Variants in PARD3B observed in about 807,000 individuals in gnomAD.
PARD3B encodes the protein par-3 family cell polarity regulator beta, also known as partitioning defective 3 homolog B.
A neutral mutation model predicts 130.2 loss-of-function variants in PARD3B; 103 were observed. The observed-to-expected ratio is 0.79, with a 90% CI of 0.67 to 0.93. PARD3B has a LOEUF of 0.93. PARD3B is among the 40% of genes least tolerant of loss of function. The pLI, the probability that PARD3B is intolerant of heterozygous loss-of-function variation, is 0.00. For synonymous variants in PARD3B, 583 were observed against 553.2 expected (o/e 1.05, Z -0.76); for missense variants, 1,609 against 1,499.2 (o/e 1.07, Z -1.21).
intron 22 of PARD3B, among the ~76,000 whole-genome samples, chr2:205,601,294 A>C (rs906766718): frequency 6.6e-6 from 1 of 152,110 alleles, no homozygotes; most frequent in Non-Finnish European, 1.5e-5. Context: ...TGACCACATA[A>C]ATGTCTTGTT....
chr2:205,104,588 C>A, intron 5 of PARD3B, 74 bp downstream of exon 5: 1 of 1,055,472 alleles, frequency 9.5e-7, no homozygotes, highest in South Asian at 1.4e-5. Flanking sequence ...TATAATTGTT[C>A]TTACTTTACA....
chr2:204,733,438 T>G (rs1193246198), intron 2 of PARD3B, among the ~76,000 whole-genome samples: 3 of 151,300 alleles, frequency 2.0e-5, no homozygotes, highest in African/African-American at 7.3e-5. Context: ...TTCAAATTGT[T>G]TATATATAAA....
intron 2 of PARD3B, among the ~76,000 whole-genome samples, chr2:204,942,243 T>C (rs1688961627): frequency 6.6e-6 from 1 of 152,208 alleles, no homozygotes; most frequent in Non-Finnish European, 1.5e-5. Flanking sequence ...TAAAACTGAC[T>C]AGCTCTGGAA....
chr2:204,957,013 G>A (rs1398136229), intron 2 of PARD3B, among the ~76,000 whole-genome samples: 1 of 152,086 alleles, frequency 6.6e-6, no homozygotes, highest in Non-Finnish European at 1.5e-5. Context: ...CAGAGACAAG[G>A]GCTCCTCAGG....
At chr2:204,748,314 A>G (rs956386680) in intron 2 of PARD3B, among the ~76,000 whole-genome samples, 2 of 152,094 alleles carry the variant, frequency 1.3e-5, no homozygotes, top group African/African-American at 4.8e-5. Flanking sequence ...TTTGGAATCA[A>G]TTACTGTAAT....
At chr2:205,133,820 A>G (rs141406753) in intron 10 of PARD3B, among the ~76,000 whole-genome samples, 1 of 152,134 alleles carries the variant, frequency 6.6e-6, no homozygotes, top group South Asian at 2.1e-4. Flanking sequence ...GTCCAACTCG[A>G]TTGTGCTTTA....
rs930778670 is a variant in PARD3B, at chr2:205,015,273, T to C, written c.395-32308T>C. Among the ~76,000 whole-genome samples the C allele has an allele frequency of 6.6e-6, 1 of 152,226 alleles. No homozygotes were observed. The highest frequency in any genetic ancestry group is 1.9e-4 in the East Asian group (1 of 5,176). On this transcript the variant is annotated intron_variant, in intron 3 of 22. Transcript: ENST00000406610. The surrounding 1 kb of genome is among the most constrained non-coding windows in gnomAD (Gnocchi z 4.5). ...ATATTTACTATTCATTAAATGGAAG[T>C]AGATCAATATAAAGGTCTTCATCCT... is the stretch of plus-strand genomic sequence containing the variant.
At chr2:205,428,771 T>TA (rs2047230196) in intron 19 of PARD3B, among the ~76,000 whole-genome samples, 1 of 152,174 alleles carries the variant, frequency 6.6e-6, no homozygotes, top group Non-Finnish European at 1.5e-5. Context: ...GAATCAGAAA[T>TA]ATTAGTATAA....
chr2:204,833,302 T>C (rs1247489764), intron 2 of PARD3B, among the ~76,000 whole-genome samples: 1 of 152,066 alleles, frequency 6.6e-6, no homozygotes, highest in African/African-American at 2.4e-5. Flanking sequence ...TCTCACACCA[T>C]TGAAAAAAAG....
At chr2:205,597,389 G>A (rs1438615799) in intron 22 of PARD3B, among the ~76,000 whole-genome samples, 1 of 152,146 alleles carries the variant, frequency 6.6e-6, no homozygotes, top group Non-Finnish European at 1.5e-5. Context: ...GATATTCCAT[G>A]GTGTATATGT....
At chr2:205,095,182 C>A (rs547352829) in intron 4 of PARD3B, among the ~76,000 whole-genome samples, 5 of 152,102 alleles carry the variant, frequency 3.3e-5, no homozygotes, top group East Asian at 3.9e-4. Context: ...CTTTGTGTAT[C>A]GAAGCACTGG....
intron 16 of PARD3B, among the ~76,000 whole-genome samples, chr2:205,290,098 C>G (rs1559626237): frequency 6.6e-6 from 1 of 152,152 alleles, no homozygotes; most frequent in Non-Finnish European, 1.5e-5. Context: ...GCCAGAGATG[C>G]AATTAATTAG....
chr2:204,566,561 T>TA (rs199954859), intron 1 of PARD3B, among the ~76,000 whole-genome samples: 7 of 152,070 alleles, frequency 4.6e-5, no homozygotes, highest in African/African-American at 1.4e-4. Context: ...ATGTCTGCAT[T>TA]AAAAAAAATC....
intron 2 of PARD3B, among the ~76,000 whole-genome samples, chr2:204,694,219 A>G (rs558495676): frequency 6.6e-6 from 1 of 152,210 alleles, no homozygotes; most frequent in African/African-American, 2.4e-5. Context: ...ATTGTATTTT[A>G]TCCCAGTCAA....
chr2:205,391,120 G>A (rs1051701664), intron 18 of PARD3B, among the ~76,000 whole-genome samples: 2 of 152,218 alleles, frequency 1.3e-5, no homozygotes, highest in Non-Finnish European at 1.5e-5. Flanking sequence ...AGTCAAACGG[G>A]CAACCTCCCA....
chr2:205,174,680 G>A (rs2125756822), intron 12 of PARD3B, among the ~76,000 whole-genome samples: 1 of 152,252 alleles, frequency 6.6e-6, no homozygotes, highest in African/African-American at 2.4e-5. Flanking sequence ...AAATCAATTA[G>A]TTAGATTTGC....
chr2:204,666,163 C>T (rs1170842093), intron 1 of PARD3B, among the ~76,000 whole-genome samples: 1 of 152,056 alleles, frequency 6.6e-6, no homozygotes, highest in Non-Finnish European at 1.5e-5. Context: ...AAGACATTGC[C>T]CCTGCTCTTG....
chr2:204,674,390 T>C (rs950527586), intron 1 of PARD3B, among the ~76,000 whole-genome samples: 3 of 152,160 alleles, frequency 2.0e-5, no homozygotes, highest in Non-Finnish European at 4.4e-5. Flanking sequence ...TCTGGAGGAA[T>C]GAAGTTGTTA....
chr2:205,593,781 C>G (rs2054475242), intron 22 of PARD3B, among the ~76,000 whole-genome samples: 1 of 152,190 alleles, frequency 6.6e-6, no homozygotes, highest in Non-Finnish European at 1.5e-5. Context: ...GTGGAAATAT[C>G]TGCATAATGC....
Sources: allele counts gnomAD v4.1 joint callset (sites outside exome capture counted in the v4.1 genomes callset), GRCh38; gene constraint gnomAD v4.1.1; non-coding constraint Gnocchi (gnomAD v3.1); transcripts MANE v1.5; gene names NCBI Gene and HGNC (gene_info 2026-07-23, HGNC 2026-07-21).